PAWR: variants seen among roughly 807,000 people sequenced by gnomAD.
The protein encoded by PAWR is PRKC apoptosis WT1 regulator protein.
Under a neutral mutation model 32.0 loss-of-function variants are expected in PAWR, and 23 were observed. The ratio of observed to expected loss-of-function variants is 0.72; its 90% CI spans 0.52 to 1.02. The LOEUF (loss-of-function observed/expected upper bound fraction) is 1.02, where lower values mean the gene tolerates loss of function less well. Ranked by LOEUF, PAWR falls within the 50% of genes least tolerant of loss-of-function variation. The pLI, the probability that PAWR is intolerant of heterozygous loss-of-function variation, is 0.00. For missense variants in PAWR, 457 were observed against 437.7 expected, an observed-to-expected ratio of 1.04 and a Z score of -0.39; for synonymous variants, 226 against 187.1, an observed-to-expected ratio of 1.21 and a Z score of -1.70.
Position 79,605,519 on chromosome 12 carries a change from C to CT in PAWR, c.683+8055dup, listed in dbSNP as rs1341116639. ...TAATGTGTGTATATACAGATACATT[C>CT]TTTTTTTTTTAAAAAAAAAGCCTTC... On this transcript the variant is annotated intron_variant, in intron 4 of 6. Transcript: ENST00000328827. Among the ~76,000 whole-genome samples, 1,172 of 150,482 alleles carry CT rather than the reference C, an allele frequency of 7.8e-3. 19 individuals are homozygous for CT. Among genetic ancestry groups the CT allele is most frequent in the African/African-American group, 0.026 (1,064 of 41,138 alleles).
At chr12:79,629,893 A>C (rs1875524410) in intron 2 of PAWR, among the ~76,000 whole-genome samples, 1 of 152,148 alleles carries the variant, frequency 6.6e-6, no homozygotes, top group African/African-American at 2.4e-5. Flanking sequence ...CACGTGAAAA[A>C]AGAAATCACA....
At chr12:79,640,512 A>C (rs985042600) in intron 2 of PAWR, among the ~76,000 whole-genome samples, 6 of 152,162 alleles carry the variant, frequency 3.9e-5, no homozygotes, top group African/African-American at 1.4e-4. Flanking sequence ...AGGCCAAGGC[A>C]GGCAGATCCC....
intron 3 of PAWR, among the ~76,000 whole-genome samples, chr12:79,618,125 CTTTTTT>C (rs544047759): frequency 2.1e-5 from 3 of 146,014 alleles, no homozygotes; most frequent in East Asian, 2.0e-4. Context: ...CTCATCACTT[CTTTTTT>C]TTTTTGTTTC....
In PAWR at chr12:79,592,445, ATGAAAAAGAAGTATTT is replaced by A. The variant is rs1232883501; in HGVS notation, c.*146_*161del. The A allele has an allele frequency of 2.0e-6, 1 of 508,920 alleles. No individual in the cohort carries two copies. Among genetic ancestry groups the A allele is most frequent in the East Asian group, 3.5e-5 (1 of 28,322 alleles). 31.5% of individuals were successfully genotyped at this position (508,920 alleles called of 1,614,324 possible). A position where few individuals can be genotyped will look rare whatever the true frequency, so the allele number is the denominator to read the frequency against. On this transcript the variant is annotated 3_prime_UTR_variant, in exon 7 of 7. Coordinates refer to ENST00000328827, the MANE Select transcript of PAWR (RefSeq NM_002583.4). ...GGATAATGCTTTTTTAAAACCAATA[ATGAAAAAGAAGTATTT>A]TGAAAACAAACATCTGTTTGCTAGA...
intron 2 of PAWR, among the ~76,000 whole-genome samples, chr12:79,666,535 T>C (rs1443593652): frequency 6.6e-6 from 1 of 152,210 alleles, no homozygotes; most frequent in Admixed American, 6.5e-5. Flanking sequence ...CATTCTCCCA[T>C]GAGTGTACAC....
intron 2 of PAWR, among the ~76,000 whole-genome samples, chr12:79,655,053 T>C (rs1239750521): frequency 2.0e-5 from 3 of 152,192 alleles, no homozygotes; most frequent in Non-Finnish European, 4.4e-5. Flanking sequence ...TGGTACTCTA[T>C]AGGAAAAGTT....
intron 2 of PAWR, among the ~76,000 whole-genome samples, chr12:79,630,548 C>G (rs1201738803): frequency 6.6e-6 from 1 of 152,148 alleles, no homozygotes; most frequent in Non-Finnish European, 1.5e-5. Context: ...AGCAATCTAT[C>G]TGCCTTGGCC....
At chr12:79,609,345 T>C (rs1268713696) in intron 4 of PAWR, among the ~76,000 whole-genome samples, 2 of 152,070 alleles carry the variant, frequency 1.3e-5, no homozygotes, top group African/African-American at 4.8e-5. Context: ...AGACTGGAAG[T>C]TGTAACATCA....
At chr12:79,618,045 T>C (rs1874827997) in intron 3 of PAWR, among the ~76,000 whole-genome samples, 1 of 152,206 alleles carries the variant, frequency 6.6e-6, no homozygotes, top group African/African-American at 2.4e-5. Context: ...ATTTTTCTTA[T>C]AAATTATCCA....
rs1396650673 is a variant in PAWR, at chr12:79,590,112, G to A, written c.*2495C>T. ...TAAGTTGTAAGGCTCCTGTCTTTAC[G>A]CTATCATTAAAGGCCAAAAAAATCA... On this transcript the variant is annotated 3_prime_UTR_variant, in exon 7 of 7. Transcript: ENST00000328827. The A allele has an allele frequency of 1.3e-5, 2 of 151,770 alleles. No homozygotes were observed. Among genetic ancestry groups the A allele is most frequent in the Admixed American group, 6.6e-5 (1 of 15,238 alleles). 9.4% of individuals were successfully genotyped at this position (151,770 alleles called of 1,614,324 possible). A position where few individuals can be genotyped will look rare whatever the true frequency, so the allele number is the denominator to read the frequency against.
intron 2 of PAWR, among the ~76,000 whole-genome samples, chr12:79,662,844 G>A (rs760845274): frequency 5.9e-5 from 9 of 152,164 alleles, no homozygotes; most frequent in Non-Finnish European, 1.2e-4. Context: ...TCAAGAAAAT[G>A]CTGTTTTTAA....
At chr12:79,654,493 G>A (rs1472624892) in intron 2 of PAWR, among the ~76,000 whole-genome samples, 2 of 152,008 alleles carry the variant, frequency 1.3e-5, no homozygotes, top group African/African-American at 4.8e-5. Context: ...AGCTCTGGGA[G>A]AGCTGGCTTC....
intron 6 of PAWR, among the ~76,000 whole-genome samples, chr12:79,593,258 G>A: frequency 6.6e-6 from 1 of 152,120 alleles, no homozygotes; most frequent in East Asian, 1.9e-4. Context: ...GATCAATTTT[G>A]TTTTCAGCTC....
At chr12:79,628,752 T>A (rs961036451) in intron 2 of PAWR, among the ~76,000 whole-genome samples, 11 of 152,202 alleles carry the variant, frequency 7.2e-5, no homozygotes, top group African/African-American at 2.6e-4. Context: ...TATAAGAAAC[T>A]GTTATTTCTT....
At chr12:79,607,943 G>A (rs1463128688) in intron 4 of PAWR, among the ~76,000 whole-genome samples, 2 of 151,700 alleles carry the variant, frequency 1.3e-5, no homozygotes, top group African/African-American at 4.8e-5. Flanking sequence ...CAGCTACTCA[G>A]GAGCCTGAGG....
intron 2 of PAWR, among the ~76,000 whole-genome samples, chr12:79,668,651 G>A (rs903454495): frequency 9.2e-5 from 14 of 152,180 alleles, no homozygotes; most frequent in Admixed American, 5.9e-4. Flanking sequence ...GAGGGTTCGT[G>A]TTCCTATGAG....
Position 79,587,275 on chromosome 12 carries a change from GA to G in PAWR, c.*5331del, listed in dbSNP as rs1385724485. 6.6e-6 allele frequency: 1 copy of G among 152,058 alleles called. No homozygotes were observed. The highest frequency in any genetic ancestry group is 2.4e-5 in the African/African-American group (1 of 41,436). 9.4% of individuals were successfully genotyped at this position (152,058 alleles called of 1,614,324 possible). A position where few individuals can be genotyped will look rare whatever the true frequency, so the allele number is the denominator to read the frequency against. On this transcript the variant is annotated 3_prime_UTR_variant, in exon 7 of 7. Coordinates refer to ENST00000328827, the MANE Select transcript of PAWR (RefSeq NM_002583.4). ...CTTGTTAGACTTGTATGACATTACT[GA>G]GAAGATTTAGAGTTCTAGAAGTAGA...
At chr12:79,601,907 G>A (rs60791403) in intron 4 of PAWR, among the ~76,000 whole-genome samples, 3,811 of 152,212 alleles carry the variant, frequency 0.025, 188 homozygotes, top group African/African-American at 0.087. Flanking sequence ...CTCAAAATCA[G>A]CGTAATTTTT....
At chr12:79,690,486 G>C in intron 1 of PAWR, 95 bp from the exon 2 acceptor site, 1 of 695,282 alleles carries the variant, frequency 1.4e-6, no homozygotes, top group Non-Finnish European at 2.1e-6. Flanking sequence ...TGGAGTCCTC[G>C]AGCGCGCCCA....
Sources: gnomAD v4.1 joint callset for allele counts (sites outside exome capture counted in the v4.1 genomes callset) on GRCh38, gnomAD v4.1.1 for gene constraint, MANE v1.5 for transcripts, NCBI Gene and HGNC (gene_info 2026-07-23, HGNC 2026-07-21) for gene names.